Variants in DTNA observed in about 807,000 individuals in gnomAD.
The protein encoded by DTNA is dystrobrevin alpha.
DTNA carries 43 observed loss-of-function variants against 100.7 expected under a neutral mutation model. That is an observed-to-expected ratio of 0.43 (90% confidence interval 0.33 to 0.55). The LOEUF (loss-of-function observed/expected upper bound fraction) is 0.55, where lower values mean the gene tolerates loss of function less well. Ranked by LOEUF, DTNA falls within the 20% of genes least tolerant of loss-of-function variation. DTNA has a pLI of 0.04. For missense variants in DTNA, 798 were observed against 953.9 expected, an observed-to-expected ratio of 0.84 and a Z score of 2.15; for synonymous variants, 349 against 347.9, an observed-to-expected ratio of 1.00 and a Z score of -0.04.
intron 1 of DTNA, among the ~76,000 whole-genome samples, chr18:34,494,729 A>T (rs951278509): frequency 6.6e-6 from 1 of 152,124 alleles, no homozygotes; most frequent in African/African-American, 2.4e-5. Flanking sequence ...ACCATGCTTT[A>T]CATTTATTCT....
intron 3 of DTNA, among the ~76,000 whole-genome samples, chr18:34,789,366 T>C (rs1287907090): frequency 6.6e-6 from 1 of 152,268 alleles, no homozygotes; most frequent in Non-Finnish European, 1.5e-5. Context: ...ATCATGTTGC[T>C]GTCCTACTTA....
intron 1 of DTNA, among the ~76,000 whole-genome samples, chr18:34,609,339 G>A (rs1456805536): frequency 6.6e-6 from 1 of 150,990 alleles, no homozygotes; most frequent in East Asian, 1.9e-4. Flanking sequence ...CCGCCTCCCG[G>A]GTTCAAGCGA....
chr18:34,625,052 T>G (rs79554342), intron 1 of DTNA, among the ~76,000 whole-genome samples: 1 of 149,340 alleles, frequency 6.7e-6, no homozygotes, highest in African/African-American at 2.5e-5. Context: ...TTTTTTTTTT[T>G]GAGACAGAGT....
chr18:34,703,924 A>T (rs1359233377), intron 1 of DTNA, among the ~76,000 whole-genome samples: 1 of 152,078 alleles, frequency 6.6e-6, no homozygotes, highest in Non-Finnish European at 1.5e-5. Flanking sequence ...GAATTTTGCT[A>T]TGTGTTTTCT....
At chr18:34,519,651 C>G (rs1438344856) in intron 1 of DTNA, among the ~76,000 whole-genome samples, 1 of 152,030 alleles carries the variant, frequency 6.6e-6, no homozygotes, top group Non-Finnish European at 1.5e-5. Flanking sequence ...TAATGTTTTT[C>G]AAGCTACTTT....
intron 1 of DTNA, among the ~76,000 whole-genome samples, chr18:34,592,467 A>AACACACACACACACACACACACACAC (rs3078085): frequency 6.5e-5 from 9 of 139,530 alleles, no homozygotes; most frequent in South Asian, 4.6e-4. Flanking sequence ...ACACTTGTAT[A>AACACACACACACACACACACACACAC]ACACACACAC....
At chr18:34,871,458 T>A (rs1168622269) in intron 17 of DTNA, among the ~76,000 whole-genome samples, 2 of 152,216 alleles carry the variant, frequency 1.3e-5, no homozygotes, top group African/African-American at 4.8e-5. Context: ...GAATTTTAGA[T>A]CTATATATTG....
At chr18:34,551,097 T>A (rs1299024486) in intron 1 of DTNA, among the ~76,000 whole-genome samples, 3 of 152,196 alleles carry the variant, frequency 2.0e-5, no homozygotes, top group Non-Finnish European at 4.4e-5. Flanking sequence ...ATTTTTGTCA[T>A]CACTATGAAT....
At chr18:34,826,865 G>A (rs973925117) in intron 9 of DTNA, among the ~76,000 whole-genome samples, 1 of 152,144 alleles carries the variant, frequency 6.6e-6, no homozygotes, top group Non-Finnish European at 1.5e-5. Context: ...ATGACAGAAT[G>A]AAATGAAAAT....
At chr18:34,623,366 T>C (rs2056836562) in intron 1 of DTNA, among the ~76,000 whole-genome samples, 1 of 152,254 alleles carries the variant, frequency 6.6e-6, no homozygotes, top group Admixed American at 6.5e-5. Context: ...TGTAGATTTT[T>C]GGTGTTGGAG....
At chr18:34,508,743 A>G (rs921193493) in intron 1 of DTNA, among the ~76,000 whole-genome samples, 1 of 152,148 alleles carries the variant, frequency 6.6e-6, no homozygotes, top group African/African-American at 2.4e-5. Context: ...CGGTATTCAC[A>G]TAGTATCCAC....
intron 1 of DTNA, among the ~76,000 whole-genome samples, chr18:34,695,201 A>T (rs917857379): frequency 9.9e-5 from 15 of 152,210 alleles, no homozygotes; most frequent in African/African-American, 3.4e-4. Context: ...AGTTATTAAT[A>T]GGAATTCTTC....
chr18:34,860,640 CTT>C (rs2096612647), intron 16 of DTNA, among the ~76,000 whole-genome samples: 1 of 152,160 alleles, frequency 6.6e-6, no homozygotes. Flanking sequence ...CACGGCAGAG[CTT>C]TGTTTTTCGT....
At chr18:34,767,674 G>A (rs971943448) in intron 3 of DTNA, 9 of 136,922 alleles carry the variant, frequency 6.6e-5, no homozygotes, top group African/African-American at 2.4e-4. Context: ...GCTAACTCAG[G>A]TCTGTCTTCC....
At chr18:34,565,838 A>G (rs2047034329) in intron 1 of DTNA, among the ~76,000 whole-genome samples, 1 of 152,218 alleles carries the variant, frequency 6.6e-6, no homozygotes, top group South Asian at 2.1e-4. Context: ...TATCTTTTGG[A>G]GACCAGCATT....
At chr18:34,530,247 T>C (rs902478385) in intron 1 of DTNA, among the ~76,000 whole-genome samples, 4 of 152,096 alleles carry the variant, frequency 2.6e-5, no homozygotes, top group African/African-American at 4.8e-5. Flanking sequence ...GTTTAACTTA[T>C]CCTAACTGGG....
chr18:34,609,844 A>T (rs746673458), intron 1 of DTNA, among the ~76,000 whole-genome samples: 12 of 152,198 alleles, frequency 7.9e-5, no homozygotes, highest in Non-Finnish European at 1.3e-4. Context: ...ACAATGAAAT[A>T]TGCCATTTTG....
chr18:34,525,370 C>G (rs888890270), intron 1 of DTNA, among the ~76,000 whole-genome samples: 52 of 152,272 alleles, frequency 3.4e-4, no homozygotes, highest in African/African-American at 1.2e-3. Context: ...TCTTCCATCT[C>G]TCACTGTACT....
At chr18:34,855,826 G>T (rs1189945769) in intron 15 of DTNA, among the ~76,000 whole-genome samples, 1 of 152,168 alleles carries the variant, frequency 6.6e-6, no homozygotes, top group Non-Finnish European at 1.5e-5. Flanking sequence ...CACTTCTTCA[G>T]AGCACTTTGT....
Sources: gnomAD v4.1 joint callset for allele counts (sites outside exome capture counted in the v4.1 genomes callset) on GRCh38, gnomAD v4.1.1 for gene constraint, MANE v1.5 for transcripts, NCBI Gene and HGNC (gene_info 2026-07-23, HGNC 2026-07-21) for gene names.